SCML2: variants seen among roughly 807,000 people sequenced by gnomAD.
SCML2 encodes the protein Scm polycomb group protein like 2, also known as sex comb on midleg-like protein 2.
SCML2 carries 6 observed loss-of-function variants against 48.4 expected under a neutral mutation model. The ratio of observed to expected loss-of-function variants is 0.12; its 90% CI spans 0.07 to 0.24. The LOEUF (loss-of-function observed/expected upper bound fraction) is 0.24, where lower values mean the gene tolerates loss of function less well. Among genes scored for constraint, SCML2 ranks in the 10% least tolerant of loss-of-function variants. The probability of loss-of-function intolerance (pLI) is 1.00; values close to 1 mark genes in which losing one functional copy is unlikely to be tolerated. For missense variants in SCML2, 377 were observed against 528.2 expected (o/e 0.71, Z 2.81); for synonymous variants, 181 against 189.5 (o/e 0.95, Z 0.37).
In SCML2 at chrX:18,257,013, T is replaced by C; in HGVS notation, c.1291A>G (p.Thr431Ala). ...ACTGGAGGGAGCTGGATGGAATGAG[T>C]TTCCCCATCAAAGGAGGCTATTGGG... is the stretch of plus-strand genomic sequence containing the variant. ...EVITASFDGETHSIQLPPVNS... is the reference protein window; with the variant it reads ...EVITASFDGEAHSIQLPPVNS... Residue 431 changes from threonine to alanine, a missense_variant, in exon 11 of 15, where the codon ACT (threonine) becomes GCT (alanine). By Grantham distance (58) the Thr-to-Ala change is moderately conservative. Coordinates refer to ENST00000251900, the MANE Select transcript of SCML2 (RefSeq NM_006089.3). The C allele has an allele frequency of 8.5e-7, 1 of 1,180,452 alleles. No individual in the cohort carries two copies. The highest frequency in any genetic ancestry group is 1.1e-6 in the Non-Finnish European group (1 of 881,856).
intron 7 of SCML2, among the ~76,000 whole-genome samples, chrX:18,267,946 A>T (rs949741638): frequency 3.8e-4 from 43 of 111,698 alleles, no homozygotes; most frequent in African/African-American, 1.3e-3. Context: ...TAAGAATATT[A>T]AAAAAATTCT....
chrX:18,311,075 A>C (rs1017943720), intron 6 of SCML2, among the ~76,000 whole-genome samples: 1 of 112,050 alleles, frequency 8.9e-6, no homozygotes, highest in East Asian at 2.8e-4. Flanking sequence ...GCTCCATAAG[A>C]GCATATTTTA....
At chrX:18,343,760 C>CAAAAAAA (rs1196514399) in intron 1 of SCML2, among the ~76,000 whole-genome samples, 2 of 38,400 alleles carry the variant, frequency 5.2e-5, no homozygotes, top group East Asian at 8.1e-4. Context: ...GACTCTGTCT[C>CAAAAAAA]AAAAAAAAAA....
chrX:18,330,424 A>T (rs1223221227), intron 3 of SCML2, among the ~76,000 whole-genome samples, 163 bp downstream of exon 3: 2 of 112,523 alleles, frequency 1.8e-5, no homozygotes, highest in African/African-American at 6.5e-5. Flanking sequence ...TCAAAATAAA[A>T]TACAATTTTT....
chrX:18,335,104 C>T (rs111701411), intron 1 of SCML2, among the ~76,000 whole-genome samples: 24,580 of 110,424 alleles, frequency 0.22, 2,201 homozygotes, highest in Middle Eastern at 0.33. Context: ...AAAATATATA[C>T]GGGGTGTTGA....
At chrX:18,294,997 C>A (rs188324159) in intron 7 of SCML2, among the ~76,000 whole-genome samples, 92 of 111,266 alleles carry the variant, frequency 8.3e-4, no homozygotes, top group African/African-American at 2.9e-3. Flanking sequence ...TACCCCCCAC[C>A]CCCAGAAGCA....
chrX:18,257,138 T>C, intron 10 of SCML2, 108 bp from the exon 11 acceptor site: 1 of 480,906 alleles, frequency 2.1e-6, no homozygotes, highest in Non-Finnish European at 3.2e-6. Flanking sequence ...GTCTAATTTG[T>C]GTTCTTTGTA....
At chrX:18,346,226 G>A (rs969470425) in intron 1 of SCML2, among the ~76,000 whole-genome samples, 5 of 110,422 alleles carry the variant, frequency 4.5e-5, no homozygotes, top group African/African-American at 1.6e-4. Context: ...CTCTTTCCCA[G>A]AAGTTGATTG....
chrX:18,352,893 T>C (rs1012018994), intron 1 of SCML2, among the ~76,000 whole-genome samples: 2 of 111,940 alleles, frequency 1.8e-5, no homozygotes, highest in African/African-American at 6.5e-5. Flanking sequence ...TTCTCTGGGG[T>C]AAACAAGTAT....
chrX:18,314,190 G>A (rs1436415210), intron 6 of SCML2, among the ~76,000 whole-genome samples: 1 of 111,608 alleles, frequency 9.0e-6, no homozygotes, highest in East Asian at 2.8e-4. Flanking sequence ...ATATGGGCCA[G>A]GCACTGTGTA....
chrX:18,249,443 G>A (rs1389824312), intron 11 of SCML2, among the ~76,000 whole-genome samples: 4 of 111,099 alleles, frequency 3.6e-5, no homozygotes, highest in South Asian at 3.8e-4. Flanking sequence ...GACCAGTCTC[G>A]AAGCTCACTG....
intron 7 of SCML2, among the ~76,000 whole-genome samples, chrX:18,287,765 G>A (rs1261511786): frequency 9.0e-6 from 1 of 111,538 alleles, no homozygotes; most frequent in African/African-American, 3.3e-5. Context: ...TCATAAAAAT[G>A]CAAGAACAAG....
intron 6 of SCML2, among the ~76,000 whole-genome samples, chrX:18,316,567 A>T (rs1337518134): frequency 8.9e-6 from 1 of 112,473 alleles, no homozygotes; most frequent in Non-Finnish European, 1.9e-5. Flanking sequence ...ATGAAAATTT[A>T]AAATGGATAA....
intron 6 of SCML2, among the ~76,000 whole-genome samples, chrX:18,310,518 G>A (rs1014371923): frequency 7.2e-5 from 8 of 110,395 alleles, no homozygotes; most frequent in East Asian, 2.8e-4. Context: ...CACCCACCTC[G>A]GCCTCCCAAA....
chrX:18,308,863 G>A (rs948379502), intron 6 of SCML2, among the ~76,000 whole-genome samples: 5 of 111,105 alleles, frequency 4.5e-5, no homozygotes, highest in East Asian at 2.8e-4. Flanking sequence ...GCTAACAAGC[G>A]TATGAAAAAA....
intron 5 of SCML2, among the ~76,000 whole-genome samples, chrX:18,321,139 T>C (rs1244012457): frequency 8.9e-6 from 1 of 111,906 alleles, no homozygotes; most frequent in African/African-American, 3.2e-5. Flanking sequence ...ACCTTTTCTG[T>C]ATGTTTGAAA....
intron 7 of SCML2, among the ~76,000 whole-genome samples, chrX:18,292,868 T>G (rs753823702): frequency 1.7e-4 from 19 of 111,752 alleles, no homozygotes; most frequent in Admixed American, 5.7e-4. Flanking sequence ...TCACTTAATA[T>G]ATCTTAGAGA....
At chrX:18,289,305 T>C in intron 7 of SCML2, among the ~76,000 whole-genome samples, 1 of 112,357 alleles carries the variant, frequency 8.9e-6, no homozygotes, top group Non-Finnish European at 1.9e-5. Context: ...TTTTCCAAGA[T>C]GCTTCTTTGC....
At position 18,260,205 on chromosome X, in the gene SCML2, G is replaced by A. The variant is rs376364665; in HGVS notation, c.1035C>T (p.Val345=). The A allele has an allele frequency of 2.5e-6, 3 of 1,200,614 alleles. No individual in the cohort carries two copies. The highest frequency in any genetic ancestry group is 4.4e-5 in the Admixed American group (2 of 45,630). ...TCACTATTTTACATGGCCCAGAAGCGACATCTTTATATAACATGCCACGGT... is the reference window on the plus strand; with the variant it reads ...TCACTATTTTACATGGCCCAGAAGCAACATCTTTATATAACATGCCACGGT... ...TRDRGMLYKD[V]ASGPCKIVMS... The change falls in exon 9 of 15, where the codon GTC becomes GTT. Residue 345 remains valine (V), a synonymous_variant. Transcript: ENST00000251900.
Sources: allele counts gnomAD v4.1 joint callset (sites outside exome capture counted in the v4.1 genomes callset), GRCh38; gene constraint gnomAD v4.1.1; transcripts MANE v1.5; gene names NCBI Gene and HGNC (gene_info 2026-07-23, HGNC 2026-07-21).